Variants in RERE observed in about 807,000 individuals in gnomAD.
The protein encoded by RERE is arginine-glutamic acid dipeptide repeats, also known as arginine-glutamic acid dipeptide repeats protein.
A neutral mutation model predicts 146.1 loss-of-function variants in RERE; 40 were observed. The observed-to-expected ratio is 0.27, with a 90% CI of 0.21 to 0.36. RERE has a LOEUF of 0.36. Among genes scored for constraint, RERE ranks in the 10% least tolerant of loss-of-function variants. The probability of loss-of-function intolerance (pLI) is 1.00; values close to 1 mark genes in which losing one functional copy is unlikely to be tolerated. For synonymous variants in RERE, 1,003 were observed against 866.0 expected (o/e 1.16, Z -2.78); for missense variants, 1,933 against 2,138.7 (o/e 0.90, Z 1.90).
chr1:8,675,633 G>T (rs1638820885), intron 1 of RERE, among the ~76,000 whole-genome samples: 1 of 152,034 alleles, frequency 6.6e-6, no homozygotes, highest in South Asian at 2.1e-4. Context: ...TGAGGAAGGA[G>T]AATCACTTGA....
intron 1 of RERE, among the ~76,000 whole-genome samples, chr1:8,713,855 C>G (rs749722981): frequency 3.9e-5 from 6 of 152,078 alleles, no homozygotes; most frequent in South Asian, 4.1e-4. Flanking sequence ...TTTTCTGATT[C>G]CATTCTTTAT....
chr1:8,413,040 G>C (rs561702026), intron 12 of RERE, among the ~76,000 whole-genome samples: 3 of 152,116 alleles, frequency 2.0e-5, no homozygotes, highest in Non-Finnish European at 4.4e-5. Context: ...AAACAATGAA[G>C]AGTTTTCACG....
chr1:8,481,720 T>C (rs1272476339), intron 10 of RERE, among the ~76,000 whole-genome samples: 3 of 152,218 alleles, frequency 2.0e-5, no homozygotes, highest in Admixed American at 6.5e-5. Context: ...TAAGGTCCTA[T>C]GACTGGCTCA....
intron 7 of RERE, among the ~76,000 whole-genome samples, chr1:8,527,139 A>C (rs145816170): frequency 6.6e-6 from 1 of 152,350 alleles, no homozygotes; most frequent in East Asian, 1.9e-4. Flanking sequence ...AAATAAACTA[A>C]ATTCTGAAAC....
At chr1:8,553,274 G>A (rs945028415) in intron 6 of RERE, among the ~76,000 whole-genome samples, 14 of 150,094 alleles carry the variant, frequency 9.3e-5, no homozygotes, top group Admixed American at 2.0e-4. Context: ...AAGCCAGTGC[G>A]TCCACACACA....
intron 1 of RERE, among the ~76,000 whole-genome samples, chr1:8,721,233 C>A (rs1392793989): frequency 1.3e-5 from 2 of 152,156 alleles, no homozygotes; most frequent in Admixed American, 1.3e-4. Flanking sequence ...CCTGGGACTT[C>A]CCTGCAGGCC....
chr1:8,541,546 A>C (rs964131311), intron 6 of RERE, among the ~76,000 whole-genome samples: 3 of 152,244 alleles, frequency 2.0e-5, no homozygotes, highest in Non-Finnish European at 4.4e-5. Flanking sequence ...AGTAAAATTA[A>C]TTAAAACAAC....
At chr1:8,480,148 T>TG (rs1182723760) in intron 10 of RERE, among the ~76,000 whole-genome samples, 1 of 147,238 alleles carries the variant, frequency 6.8e-6, no homozygotes, top group Non-Finnish European at 1.5e-5. Context: ...TTTTTGTTTT[T>TG]TTTTTTTTTG....
intron 16 of RERE, among the ~76,000 whole-genome samples, chr1:8,362,290 C>G (rs1641609453): frequency 6.6e-6 from 1 of 152,172 alleles, no homozygotes. Context: ...TGTGACTGGT[C>G]ACATGCAAAC....
intron 1 of RERE, among the ~76,000 whole-genome samples, chr1:8,692,256 C>A (rs1402107331): frequency 2.6e-5 from 4 of 152,140 alleles, no homozygotes; most frequent in African/African-American, 9.7e-5. Context: ...GGAACTGGTT[C>A]CAGAACCTCC....
At chr1:8,746,879 A>G (rs1441027634) in intron 1 of RERE, among the ~76,000 whole-genome samples, 1 of 144,968 alleles carries the variant, frequency 6.9e-6, no homozygotes, top group Non-Finnish European at 1.5e-5. Context: ...AACAAAAAAG[A>G]GAGAGAGAGA....
intron 12 of RERE, among the ~76,000 whole-genome samples, chr1:8,389,709 T>G (rs574320739): frequency 2.0e-5 from 3 of 152,340 alleles, no homozygotes; most frequent in Admixed American, 2.0e-4. Context: ...GAAGGTCGCA[T>G]GGAGGGAACC....
rs1362427044 is a variant in RERE at position 8,508,267 on chromosome 1, G to GA, written c.879+359dup. ...TCACATGAGGTACTTTTATGAGGCA[G>GA]AACAGTCAAAAACAGAGAGAGGAAG... On this transcript the variant is annotated intron_variant, in intron 8 of 22. Transcript: ENST00000400908. 2.6e-5 allele frequency among the ~76,000 whole-genome samples: 4 copies of GA among 152,180 alleles called. No individual in the cohort carries two copies. The East Asian group carries it at 7.7e-4, about 29-fold the overall frequency.
rs553867275 is a variant in RERE, at chr1:8,399,429, T to C, written c.1284+23298A>G. 1.1e-4 allele frequency among the ~76,000 whole-genome samples: 16 copies of C among 152,308 alleles called. No homozygotes were observed. In the East Asian group the frequency reaches 3.1e-3, roughly 29 times the overall value. The stretch of plus-strand genomic sequence containing the variant: ...AGCTAAGCCCATTGGTCCCAAACCA[T>C]TTACTGAATAATTGGTTAGTTCCCC... On this transcript the variant is annotated intron_variant, in intron 12 of 22. Coordinates refer to ENST00000400908, the MANE Select transcript of RERE (RefSeq NM_001042681.2).
chr1:8,428,757 C>T (rs1361682117), intron 11 of RERE, among the ~76,000 whole-genome samples: 1 of 152,054 alleles, frequency 6.6e-6, no homozygotes, highest in Non-Finnish European at 1.5e-5. Context: ...GCTGTTTAGA[C>T]CTAGCCACTT....
intron 1 of RERE, among the ~76,000 whole-genome samples, chr1:8,775,252 C>T (rs1222617005): frequency 1.3e-5 from 2 of 152,132 alleles, no homozygotes; most frequent in African/African-American, 2.4e-5. Flanking sequence ...AGTCACCACA[C>T]CCAGCCACAT....
chr1:8,500,528 C>T (rs1049425532), intron 8 of RERE, among the ~76,000 whole-genome samples: 1 of 152,248 alleles, frequency 6.6e-6, no homozygotes, highest in African/African-American at 2.4e-5. Flanking sequence ...GGTGCCCAGG[C>T]TGGAGTGCAG....
chr1:8,396,771 C>T (rs558315194), intron 12 of RERE, among the ~76,000 whole-genome samples: 1 of 152,276 alleles, frequency 6.6e-6, no homozygotes, highest in African/African-American at 2.4e-5. Flanking sequence ...TTCCAAAACG[C>T]TTTCATCATC....
chr1:8,405,587 G>A (rs1643416163), intron 12 of RERE, among the ~76,000 whole-genome samples: 1 of 152,200 alleles, frequency 6.6e-6, no homozygotes, highest in African/African-American at 2.4e-5. Context: ...ACAGTCGGAA[G>A]AATATGGGCC....
Sources: gnomAD v4.1 joint callset for allele counts (sites outside exome capture counted in the v4.1 genomes callset) on GRCh38, gnomAD v4.1.1 for gene constraint, MANE v1.5 for transcripts, NCBI Gene and HGNC (gene_info 2026-07-23, HGNC 2026-07-21) for gene names.